The following EXOC6B variants were observed in gnomAD, a reference collection of about 807,000 sequenced individuals.
The protein encoded by EXOC6B is SEC15 homolog B.
A neutral mutation model predicts 113.5 loss-of-function variants in EXOC6B; 54 were observed. The observed-to-expected ratio is 0.48, with a 90% confidence interval of 0.38 to 0.60. EXOC6B has a LOEUF of 0.60. Among genes scored for constraint, EXOC6B ranks in the 20% least tolerant of loss-of-function variants. EXOC6B has a pLI of 0.00. For missense variants in EXOC6B, 797 were observed against 977.5 expected (o/e 0.82, Z 2.46); for synonymous variants, 357 against 339.0 (o/e 1.05, Z -0.58).
chr2:72,615,926 G>A (rs1671362640), intron 6 of EXOC6B, among the ~76,000 whole-genome samples: 1 of 152,082 alleles, frequency 6.6e-6, no homozygotes, highest in African/African-American at 2.4e-5. Context: ...CTGACCCTAT[G>A]TAGGCCCATA....
At chr2:72,409,727 G>GCCT (rs1181572745) in intron 18 of EXOC6B, among the ~76,000 whole-genome samples, 1 of 149,452 alleles carries the variant, frequency 6.7e-6, no homozygotes, top group Non-Finnish European at 1.5e-5. Flanking sequence ...TGGGGTAGGG[G>GCCT]GAGGGGGGAG....
chr2:72,275,547 T>C (rs1203133404), intron 20 of EXOC6B, among the ~76,000 whole-genome samples: 2 of 152,202 alleles, frequency 1.3e-5, no homozygotes, highest in African/African-American at 4.8e-5. Flanking sequence ...AATGTTATGC[T>C]TCACATAGAC....
Position 72,554,278 on chromosome 2 carries a change from C to T in EXOC6B, c.915+5175G>A, listed in dbSNP as rs987297678. Among the ~76,000 whole-genome samples, 11 of 152,126 alleles carry T rather than the reference C, an allele frequency of 7.2e-5. No homozygotes were observed. The East Asian group carries it at 1.2e-3, about 16-fold the overall frequency. On this transcript the variant is annotated intron_variant, in intron 8 of 21. Transcript: ENST00000272427. The stretch of plus-strand genomic sequence containing the variant: ...AATGCAAAACCACTGCACTCAGATC[C>T]GCTGCAGAAAAGAGCAGAGAACTTT...
At chr2:72,684,689 T>C (rs191466714) in intron 6 of EXOC6B, among the ~76,000 whole-genome samples, 114 of 152,328 alleles carry the variant, frequency 7.5e-4, no homozygotes, top group Non-Finnish European at 1.5e-3. Flanking sequence ...ATTATCATGC[T>C]GAGTAAAAGA....
At chr2:72,684,668 G>A (rs927038086) in intron 6 of EXOC6B, among the ~76,000 whole-genome samples, 8 of 152,088 alleles carry the variant, frequency 5.3e-5, no homozygotes, top group Non-Finnish European at 1.5e-5. Flanking sequence ...ACAACATAGA[G>A]GCATCTCAAA....
At position 72,498,605 on chromosome 2, in the gene EXOC6B, G is replaced by GT. The variant is rs1573262107; in HGVS notation, c.1240-55_1240-54insA. ...TGTCTAAGGAAGGAGTTTTTTTTTC[G>GT]GTTTTTTTTTTTTTTGGCAAAATGA... On this transcript the variant is annotated intron_variant, in intron 12 of 21. Transcript: ENST00000272427. 234 of 1,172,766 alleles carry GT rather than the reference G, an allele frequency of 2.0e-4. No homozygotes were observed. The East Asian group carries it at 5.4e-3, about 27-fold the overall frequency. 72.6% of individuals were successfully genotyped at this position (1,172,766 alleles called of 1,614,324 possible).
At chr2:72,354,629 C>T (rs1478025598) in intron 19 of EXOC6B, among the ~76,000 whole-genome samples, 2 of 152,172 alleles carry the variant, frequency 1.3e-5, no homozygotes, top group East Asian at 1.9e-4. Flanking sequence ...AGCCCATAAA[C>T]TAAAATAACT....
At position 72,358,259 on chromosome 2, in the gene EXOC6B, C is replaced by CACAG. The variant is rs199641850; in HGVS notation, c.2122+21469_2122+21470insCTGT. ...AACTCTCCACAGACATAAAGCTATCCACGTGCTCCCCCTTCTCATAATAAA... is the reference window on the plus strand; with the variant it reads ...AACTCTCCACAGACATAAAGCTATCCACAGACGTGCTCCCCCTTCTCATAATAAA... On this transcript the variant is annotated intron_variant, in intron 19 of 21. Coordinates refer to ENST00000272427, the MANE Select transcript of EXOC6B (RefSeq NM_015189.3). Among the ~76,000 whole-genome samples, 844 of 152,186 alleles carry CACAG rather than the reference C, an allele frequency of 5.5e-3. 8 individuals carry two copies. Among genetic ancestry groups the CACAG allele is most frequent in the African/African-American group, 0.019 (787 of 41,520 alleles).
intron 18 of EXOC6B, among the ~76,000 whole-genome samples, chr2:72,424,963 A>C (rs1283213801): frequency 1.3e-5 from 2 of 151,912 alleles, no homozygotes; most frequent in Non-Finnish European, 2.9e-5. Flanking sequence ...CCCATTAGTT[A>C]TTTTTCCTGA....
intron 8 of EXOC6B, among the ~76,000 whole-genome samples, chr2:72,522,758 C>A (rs1367115131): frequency 6.6e-6 from 1 of 152,150 alleles, no homozygotes; most frequent in African/African-American, 2.4e-5. Context: ...TACAGACTTT[C>A]CCCTTTTCTA....
At chr2:72,803,811 T>C (rs544657383) in intron 1 of EXOC6B, among the ~76,000 whole-genome samples, 1 of 152,246 alleles carries the variant, frequency 6.6e-6, no homozygotes, top group South Asian at 2.1e-4. Flanking sequence ...TGTATAATTG[T>C]CCTAATAAAT....
At chr2:72,622,416 T>C (rs1671802654) in intron 6 of EXOC6B, among the ~76,000 whole-genome samples, 1 of 152,100 alleles carries the variant, frequency 6.6e-6, no homozygotes, top group Non-Finnish European at 1.5e-5. Flanking sequence ...GAACATTCTG[T>C]AAAAGAAGCT....
rs3029112 is a variant in EXOC6B, at chr2:72,223,685, TTTTGTTTG to T, written c.2197-39506_2197-39499del. ...CTCTCAGACCTAGTGAAGGCCTGTT[TTTTGTTTG>T]TTTGTTTGTTTGTTTGTTTGTTTTA... On this transcript the variant is annotated intron_variant, in intron 20 of 21. Coordinates refer to ENST00000272427, the MANE Select transcript of EXOC6B (RefSeq NM_015189.3). Among the ~76,000 whole-genome samples the T allele has an allele frequency of 6.1e-4, 93 of 151,422 alleles. 1 individual carries two copies. The highest frequency in any genetic ancestry group is 7.7e-4 in the East Asian group (4 of 5,170).
chr2:72,209,243 A>G lies in EXOC6B; in HGVS notation c.2197-25056T>C, dbSNP rs868837143. Among the ~76,000 whole-genome samples, 347 of 110,604 alleles carry G rather than the reference A, an allele frequency of 3.1e-3. 2 individuals are homozygous for G. Among genetic ancestry groups the G allele is most frequent in the African/African-American group, 0.011 (293 of 27,588 alleles). 72.6% of individuals were successfully genotyped at this position (110,604 alleles called of 152,430 possible). ...AGTCTCAAAAAAAAAAAAAAAAAAAAAAAAGAAAAGAAAAGAAAAGAAAAG... is the reference window on the plus strand; with the variant it reads ...AGTCTCAAAAAAAAAAAAAAAAAAAGAAAAGAAAAGAAAAGAAAAGAAAAG... On this transcript the variant is annotated intron_variant, in intron 20 of 21. Transcript: ENST00000272427.
chr2:72,586,708 C>T (rs1294603106), intron 6 of EXOC6B, among the ~76,000 whole-genome samples: 5 of 151,784 alleles, frequency 3.3e-5, no homozygotes, highest in Non-Finnish European at 7.4e-5. Context: ...GCTGAGATCG[C>T]GCCACTGCAC....
intron 2 of EXOC6B, among the ~76,000 whole-genome samples, chr2:72,734,461 G>T (rs1680829103): frequency 1.3e-5 from 2 of 152,094 alleles, no homozygotes; most frequent in South Asian, 4.1e-4. Context: ...TCTAAAAGGG[G>T]GTCAGCAATC....
chr2:72,511,391 T>G (rs1196917977), intron 11 of EXOC6B, among the ~76,000 whole-genome samples: 1 of 152,122 alleles, frequency 6.6e-6, no homozygotes, highest in African/African-American at 2.4e-5. Flanking sequence ...GTTCTTTTCC[T>G]TTTACCTCTT....
rs544022778 is a variant in EXOC6B, at chr2:72,652,636, AAT to A, written c.669+65465_669+65466del. Reference sequence around the variant, plus strand: ...AGTCAGAAAACTATTCACCATCAATAATATATATATATAAAGCATCTTATATA... The same window carrying A: ...AGTCAGAAAACTATTCACCATCAATAATATATATATAAAGCATCTTATATA... On this transcript the variant is annotated intron_variant, in intron 6 of 21. Transcript: ENST00000272427. Among the ~76,000 whole-genome samples the A allele has an allele frequency of 7.4e-5, 11 of 149,588 alleles. No homozygotes were observed. In the East Asian group the frequency reaches 9.7e-4, roughly 13 times the overall value.
chr2:72,400,105 A>C (rs904417131), intron 18 of EXOC6B, among the ~76,000 whole-genome samples: 8 of 152,204 alleles, frequency 5.3e-5, no homozygotes, highest in Non-Finnish European at 1.0e-4. Context: ...ATGGAAAAGA[A>C]GAGAGAACAC....
Sources: gnomAD v4.1 joint callset for allele counts (sites outside exome capture counted in the v4.1 genomes callset) on GRCh38, gnomAD v4.1.1 for gene constraint, MANE v1.5 for transcripts, NCBI Gene and HGNC (gene_info 2026-07-23, HGNC 2026-07-21) for gene names.